ESRRG: variants seen among roughly 807,000 people sequenced by gnomAD.
The protein encoded by ESRRG is estrogen-related receptor gamma.
ESRRG carries 13 observed loss-of-function variants against 44.0 expected under a neutral mutation model. The ratio of observed to expected loss-of-function variants is 0.30; its 90% confidence interval spans 0.19 to 0.47. The LOEUF is 0.47. Among genes scored for constraint, ESRRG ranks in the 20% least tolerant of loss-of-function variants. The pLI is 1.00. For missense variants in ESRRG, 395 were observed against 580.6 expected (o/e 0.68, Z 3.29); for synonymous variants, 215 against 214.6 (o/e 1.00, Z -0.02).
rs142967315 is a variant in ESRRG, at chr1:216,987,044, G to A, written c.-105-47371C>T. 2.0e-3 allele frequency among the ~76,000 whole-genome samples: 312 copies of A among 152,228 alleles called. 2 individuals carry two copies. Among genetic ancestry groups the A allele is most frequent in the Middle Eastern group, 6.8e-3 (2 of 294 alleles). On this transcript the variant is annotated intron_variant, in intron 1 of 7. Transcript: ENST00000359162. ...CTTTGTTGTCAAAGAAGAGGCAATC[G>A]AAGAGCATGTAGCCAAAAAATACAG...
At chr1:216,902,724 A>C (rs2059228993) in intron 2 of ESRRG, among the ~76,000 whole-genome samples, 1 of 152,180 alleles carries the variant, frequency 6.6e-6, no homozygotes, top group African/African-American at 2.4e-5. Context: ...ATGGCTATGC[A>C]GCTCCATGTT....
intron 5 of ESRRG, among the ~76,000 whole-genome samples, chr1:216,540,117 C>A (rs778900559): frequency 6.6e-6 from 1 of 151,970 alleles, no homozygotes; most frequent in Non-Finnish European, 1.5e-5. Flanking sequence ...CACCTTATTG[C>A]ATATCTATTA....
Position 216,845,566 on chromosome 1 carries a change from T to A in ESRRG, c.-14+94016A>T, listed in dbSNP as rs550426059. On this transcript the variant is annotated intron_variant, in intron 2 of 7. Transcript: ENST00000359162. ...TATTGCCTGTCAAGCTGTGCCCCCA[T>A]CTCTCCTGTTCTGTGCCCTTTCCTG... Among the ~76,000 whole-genome samples the A allele has an allele frequency of 1.8e-4, 27 of 152,218 alleles. No individual in the cohort carries two copies. In the South Asian group the frequency reaches 5.4e-3, roughly 30 times the overall value.
intron 2 of ESRRG, among the ~76,000 whole-genome samples, chr1:216,748,334 A>G (rs1360357700): frequency 6.6e-6 from 1 of 152,184 alleles, no homozygotes; most frequent in Non-Finnish European, 1.5e-5. Context: ...ATGCAGTAGT[A>G]GCAGAATAAG....
At chr1:216,766,448 C>T (rs2093080898) in intron 2 of ESRRG, among the ~76,000 whole-genome samples, 1 of 152,030 alleles carries the variant, frequency 6.6e-6, no homozygotes, top group Admixed American at 6.6e-5. Context: ...CTCTCATTCT[C>T]ACAGCCCCAG....
At position 216,700,112 on chromosome 1, in the gene ESRRG, G is replaced by A. The variant is rs185433025; in HGVS notation, c.57-22621C>T. Reference sequence around the variant, plus strand: ...CTCCGCTGCTTCTATTATACTCCCCGCAGCCCCGCACCTTTTTTTTTTTAA... The same window carrying A: ...CTCCGCTGCTTCTATTATACTCCCCACAGCCCCGCACCTTTTTTTTTTTAA... On this transcript the variant is annotated intron_variant, in intron 1 of 6. Transcript: ENST00000408911. Among the ~76,000 whole-genome samples the A allele has an allele frequency of 8.4e-5, 9 of 106,696 alleles. No individual in the cohort carries two copies. The East Asian group carries it at 2.1e-3, about 25-fold the overall frequency. 70.0% of individuals were successfully genotyped at this position (106,696 alleles called of 152,430 possible).
At chr1:216,987,861 C>A (rs1328244046) in intron 1 of ESRRG, among the ~76,000 whole-genome samples, 4 of 152,130 alleles carry the variant, frequency 2.6e-5, no homozygotes, top group African/African-American at 9.7e-5. Context: ...AAGCTCTAAC[C>A]AATGATCGAC....
chr1:216,785,971 C>T (rs534952083), intron 2 of ESRRG, among the ~76,000 whole-genome samples: 277 of 152,182 alleles, frequency 1.8e-3, no homozygotes, highest in African/African-American at 5.1e-3. Flanking sequence ...ACACATCGCA[C>T]GCCTAGATCA....
At chr1:216,510,640 C>T (rs1414614071) in intron 6 of ESRRG, among the ~76,000 whole-genome samples, 1 of 152,174 alleles carries the variant, frequency 6.6e-6, no homozygotes, top group Non-Finnish European at 1.5e-5. Flanking sequence ...AATCCAAGCA[C>T]TTTGGGAGGC....
intron 1 of ESRRG, among the ~76,000 whole-genome samples, chr1:217,045,882 T>C (rs914834184): frequency 6.6e-6 from 1 of 152,148 alleles, no homozygotes; most frequent in African/African-American, 2.4e-5. Context: ...CACAAAAAAA[T>C]CTTTGGAGTG....
At chr1:216,843,942 T>C (rs970360373) in intron 2 of ESRRG, among the ~76,000 whole-genome samples, 8 of 152,084 alleles carry the variant, frequency 5.3e-5, no homozygotes, top group Admixed American at 2.0e-4. Context: ...ATAGCTTTAA[T>C]TACAGCCCTC....
intron 3 of ESRRG, among the ~76,000 whole-genome samples, chr1:216,644,880 A>G (rs1180070549): frequency 6.6e-6 from 1 of 152,236 alleles, no homozygotes; most frequent in Non-Finnish European, 1.5e-5. Context: ...TTAAAATTAT[A>G]TAAGCCTGCT....
intron 2 of ESRRG, among the ~76,000 whole-genome samples, chr1:216,770,701 T>C (rs1033459869): frequency 6.6e-6 from 1 of 152,128 alleles, no homozygotes; most frequent in African/African-American, 2.4e-5. Context: ...AAAAACCACA[T>C]TTTAAGCAAC....
chr1:216,749,264 C>A (rs1559499620), intron 2 of ESRRG, among the ~76,000 whole-genome samples: 1 of 151,980 alleles, frequency 6.6e-6, no homozygotes, highest in East Asian at 1.9e-4. Flanking sequence ...CACCAATGAC[C>A]AATGCTCCCC....
intron 1 of ESRRG, among the ~76,000 whole-genome samples, chr1:217,040,455 A>G (rs2083651826): frequency 1.3e-5 from 2 of 152,160 alleles, no homozygotes; most frequent in Admixed American, 1.3e-4. Flanking sequence ...CTAGAATTTC[A>G]TAATTCTCTT....
At chr1:216,528,264 T>C (rs904478294) in intron 5 of ESRRG, among the ~76,000 whole-genome samples, 5 of 152,186 alleles carry the variant, frequency 3.3e-5, no homozygotes, top group Non-Finnish European at 5.9e-5. Flanking sequence ...ATAAAGTATA[T>C]AGGATTTTTA....
chr1:217,105,154 T>C (rs1171390144), intron 1 of ESRRG, among the ~76,000 whole-genome samples: 1 of 152,202 alleles, frequency 6.6e-6, no homozygotes, highest in Non-Finnish European at 1.5e-5. Context: ...GCTAATATTA[T>C]GTCATGATCA....
At chr1:216,508,485 A>T (rs1172042641) in intron 6 of ESRRG, among the ~76,000 whole-genome samples, 9 of 152,196 alleles carry the variant, frequency 5.9e-5, no homozygotes, top group Non-Finnish European at 1.2e-4. Context: ...CAGAGCAAAA[A>T]GAAGGAATTT....
At chr1:216,661,411 C>G (rs2072373643) in intron 2 of ESRRG, among the ~76,000 whole-genome samples, 1 of 152,172 alleles carries the variant, frequency 6.6e-6, no homozygotes, top group Non-Finnish European at 1.5e-5. Context: ...GCTTATCTGT[C>G]TTTCAAAACA....
Sources: allele counts gnomAD v4.1 joint callset (sites outside exome capture counted in the v4.1 genomes callset), GRCh38; gene constraint gnomAD v4.1.1; transcripts MANE v1.5; gene names NCBI Gene and HGNC (gene_info 2026-07-23, HGNC 2026-07-21).